CAPRIN2: variants seen among roughly 807,000 people sequenced by gnomAD.
The protein encoded by CAPRIN2 is caprin-2.
A neutral mutation model predicts 130.4 loss-of-function variants in CAPRIN2; 66 were observed. That is an observed-to-expected ratio of 0.51 (90% CI 0.42 to 0.62). CAPRIN2 has a LOEUF of 0.62. CAPRIN2 is among the 20% of genes least tolerant of loss of function. The pLI is 0.00. For missense variants in CAPRIN2, 1,185 were observed against 1,246.6 expected (o/e 0.95, Z 0.74); for synonymous variants, 471 against 444.1 (o/e 1.06, Z -0.76).
At chr12:30,730,383 G>T in intron 6 of CAPRIN2, 101 bp from the exon 8 acceptor site, 1 of 834,366 alleles carries the variant, frequency 1.2e-6, no homozygotes, top group Non-Finnish European at 2.0e-6. Context: ...CAGAAGACTC[G>T]TAACAGAAAA....
chr12:30,720,691 C>A (rs1327223798), intron 12 of CAPRIN2, 120 bp downstream of exon 13: 2 of 635,964 alleles, frequency 3.1e-6, no homozygotes, highest in Non-Finnish European at 5.6e-6. Flanking sequence ...CTATAGAAAG[C>A]AATACATTAA....
At chr12:30,715,764 G>A (rs536583530) in intron 13 of CAPRIN2, 146 of 194,664 alleles carry the variant, frequency 7.5e-4, no homozygotes, top group African/African-American at 3.3e-3. Flanking sequence ...TATCTGAGAA[G>A]GCACCTGACA....
rs1565588396 is a variant in CAPRIN2, at chr12:30,723,286, TTGAC to T, written c.2012_2015del (p.Ser671LysfsTer39). Reference sequence around the variant, plus strand: ...GTAACGGCTCTTGAAGAAAATCACTTTGACTGGACAGATTTTGTTCTTTAGATGC... The same window carrying T: ...GTAACGGCTCTTGAAGAAAATCACTTTGGACAGATTTTGTTCTTTAGATGC... On this transcript the variant is annotated frameshift_variant, in exon 11 of 17. Transcript: ENST00000298892. LOFTEE classifies it high-confidence loss of function. The T allele has an allele frequency of 1.2e-6, 2 of 1,612,472 alleles. No homozygotes were observed. Among genetic ancestry groups the T allele is most frequent in the Non-Finnish European group, 1.7e-6 (2 of 1,178,826 alleles).
At chr12:30,725,599 G>C (rs1050489328) in intron 9 of CAPRIN2, among the ~76,000 whole-genome samples, 1 of 152,166 alleles carries the variant, frequency 6.6e-6, no homozygotes, top group Non-Finnish European at 1.5e-5. Context: ...TGAAGGCAAT[G>C]AATGTCTCAT....
chr12:30,717,453 G>A (rs1357178474), intron 12 of CAPRIN2, among the ~76,000 whole-genome samples: 2 of 152,138 alleles, frequency 1.3e-5, no homozygotes, highest in Non-Finnish European at 2.9e-5. Context: ...TGTTTAATGA[G>A]TACTGAGTTT....
At chr12:30,748,993 A>C (rs1412607150) in intron 2 of CAPRIN2, among the ~76,000 whole-genome samples, 3 of 152,172 alleles carry the variant, frequency 2.0e-5, no homozygotes, top group African/African-American at 7.2e-5. Context: ...AAAATTAAGC[A>C]AGGAAAGGAG....
chr12:30,746,548 G>A (rs2070527249), intron 2 of CAPRIN2, among the ~76,000 whole-genome samples: 1 of 152,186 alleles, frequency 6.6e-6, no homozygotes, highest in South Asian at 2.1e-4. Context: ...GATGGTGATA[G>A]TGGAAGAGGT....
intron 2 of CAPRIN2, among the ~76,000 whole-genome samples, chr12:30,744,586 A>AAG (rs2069050221): frequency 6.6e-6 from 1 of 152,006 alleles, no homozygotes; most frequent in Non-Finnish European, 1.5e-5. Context: ...TCTCATTCAT[A>AAG]TTTTAGGTCT....
At chr12:30,745,614 A>G (rs1283263156) in intron 2 of CAPRIN2, among the ~76,000 whole-genome samples, 1 of 152,204 alleles carries the variant, frequency 6.6e-6, no homozygotes, top group East Asian at 1.9e-4. Flanking sequence ...TATTGAAAAT[A>G]CAATATCAAA....
At chr12:30,735,318 G>T in intron 3 of CAPRIN2, 112 bp from the exon 5 acceptor site, 1 of 819,010 alleles carries the variant, frequency 1.2e-6, no homozygotes, top group South Asian at 1.6e-5. Flanking sequence ...TAAATCTCAT[G>T]ACTGTCAAAC....
exon 17 of CAPRIN2, chr12:30,709,907 C>T: frequency 1.9e-6 from 3 of 1,604,178 alleles, no homozygotes; most frequent in Non-Finnish European, 1.7e-6. Flanking sequence ...GACTTTCAAT[C>T]TTGATAAAGA....
chr12:30,716,809 G>A (rs1374386871), intron 12 of CAPRIN2, 133 bp from the exon 15 acceptor site: 1 of 688,664 alleles, frequency 1.5e-6, no homozygotes, highest in African/African-American at 1.8e-5. Flanking sequence ...TCTCTCCAAA[G>A]AAGATAAATG....
chr12:30,746,333 A>C (rs890534121), intron 2 of CAPRIN2, among the ~76,000 whole-genome samples: 1 of 152,218 alleles, frequency 6.6e-6, no homozygotes, highest in Non-Finnish European at 1.5e-5. Flanking sequence ...TCAAGGCTAC[A>C]GTGAGCTATG....
At chr12:30,719,842 T>G (rs545113120) in intron 12 of CAPRIN2, 1 of 152,294 alleles carries the variant, frequency 6.6e-6, no homozygotes, top group South Asian at 2.1e-4. Context: ...CTTCTTAAAA[T>G]GAGGAATGAG....
In CAPRIN2 at chr12:30,738,348, T is replaced by C. The variant is rs574749032; in HGVS notation, c.570+2672A>G. ...CAGATAAGACACTATATTCACGATA[T>C]AGAGAAAAAGTACCTAGGGCCATAT... On this transcript the variant is annotated intron_variant, in intron 3 of 16. Coordinates refer to ENST00000298892, the Ensembl canonical transcript of CAPRIN2. Among the ~76,000 whole-genome samples, 19 of 151,258 alleles carry C rather than the reference T, an allele frequency of 1.3e-4. No individual in the cohort carries two copies. The South Asian group carries it at 2.5e-3, about 20-fold the overall frequency.
intron 1 of CAPRIN2, 32 bp downstream of exon 2, chr12:30,753,312 T>C: frequency 6.5e-7 from 1 of 1,533,794 alleles, no homozygotes; most frequent in Non-Finnish European, 8.9e-7. Context: ...TTTAAGATCA[T>C]GCATCTACAG....
intron 1 of CAPRIN2, among the ~76,000 whole-genome samples, chr12:30,752,493 A>G (rs190368433): frequency 3.6e-4 from 54 of 152,014 alleles, no homozygotes; most frequent in African/African-American, 1.2e-3. Context: ...ACTTGTGATC[A>G]ACTGCATACG....
At chr12:30,719,348 CAAAAG>C (rs543823982) in intron 12 of CAPRIN2, 123 bp from the exon 14 acceptor site, 1 of 1,075,820 alleles carries the variant, frequency 9.3e-7, no homozygotes, top group South Asian at 1.6e-5. Flanking sequence ...CACAGGAATG[CAAAAG>C]AATAGCTTTT....
chr12:30,710,575 T>C lies in CAPRIN2; in HGVS notation c.2666-105A>G. ...AAACAGACAAAGATACATTTTATAG[T>C]AAATTCCAAAACAAAAGCAATATAT... On this transcript the variant is annotated intron_variant, in intron 16 of 16. Transcript: ENST00000298892. This position sits in a 1 kb window ranked among gnomAD's most constrained non-coding sequence, Gnocchi z 4.8. 2.0e-6 allele frequency: 3 copies of C among 1,529,984 alleles called. No individual in the cohort carries two copies. The highest frequency in any genetic ancestry group is 4.1e-5 in the Admixed American group (2 of 49,184). The allele number at this position is 1,529,984 out of a possible 1,614,324, so 94.8% of individuals were successfully genotyped here.
Sources: gnomAD v4.1 joint callset for allele counts (sites outside exome capture counted in the v4.1 genomes callset) on GRCh38, gnomAD v4.1.1 for gene constraint, Gnocchi (gnomAD v3.1) non-coding constraint, MANE v1.5 for transcripts, NCBI Gene and HGNC (gene_info 2026-07-23, HGNC 2026-07-21) for gene names.